The following TNRC6A variants were observed in gnomAD, a reference collection of about 807,000 sequenced individuals.
The protein encoded by TNRC6A is trinucleotide repeat containing adaptor 6A, also known as trinucleotide repeat-containing gene 6A protein.
Under a neutral mutation model 221.2 loss-of-function variants are expected in TNRC6A, and 44 were observed. That is an observed-to-expected ratio of 0.20 (90% CI 0.16 to 0.26). TNRC6A has a LOEUF of 0.26. Among genes scored for constraint, TNRC6A ranks in the 10% least tolerant of loss-of-function variants. The probability of loss-of-function intolerance (pLI) is 1.00; values close to 1 mark genes in which losing one functional copy is unlikely to be tolerated. For synonymous variants in TNRC6A, 847 were observed against 838.5 expected (o/e 1.01, Z -0.18); for missense variants, 2,199 against 2,404.4 (o/e 0.91, Z 1.79).
intron 2 of TNRC6A, among the ~76,000 whole-genome samples, chr16:24,652,853 G>A (rs149904580): frequency 9.2e-5 from 14 of 152,252 alleles, no homozygotes; most frequent in Non-Finnish European, 1.9e-4. Flanking sequence ...TGGATTGATC[G>A]TTTAATCCTT....
Position 24,664,102 on chromosome 16 carries a change from CG to C in TNRC6A, n.402+23096del, listed in dbSNP as rs965941537. ...GCACTTTGGGAGGTGGAAGCAGAGG[CG>C]GGTGGATCACCTGAGATCAGGAGTT... On this transcript the variant is annotated intron_variant and non_coding_transcript_variant, in intron 2 of 2. Coordinates refer to the TNRC6A transcript ENST00000566108. 1.0e-3 allele frequency: 349 copies of C among 342,808 alleles called. 6 individuals are homozygous for C. The highest frequency in any genetic ancestry group is 3.5e-4 in the Non-Finnish European group (60 of 169,586). The allele number at this position is 342,808 out of a possible 1,614,324, so 21.2% of individuals were successfully genotyped here. A position where few individuals can be genotyped will look rare whatever the true frequency, so the allele number is the denominator to read the frequency against.
chr16:24,771,276 A>G (rs2057585251), intron 4 of TNRC6A, among the ~76,000 whole-genome samples: 1 of 152,182 alleles, frequency 6.6e-6, no homozygotes, highest in African/African-American at 2.4e-5. Flanking sequence ...TCAGTGTTTC[A>G]GAGTATAAAG....
chr16:24,664,769 T>TCACACACACA (rs149786252), intron 2 of TNRC6A: 290 of 301,630 alleles, frequency 9.6e-4, no homozygotes, highest in African/African-American at 1.2e-3. Context: ...AATCCCCAAA[T>TCACACACACA]CACACACACA....
chr16:24,784,376 T>C (rs1215531425), intron 5 of TNRC6A, among the ~76,000 whole-genome samples: 1 of 152,178 alleles, frequency 6.6e-6, no homozygotes, highest in Non-Finnish European at 1.5e-5. Flanking sequence ...CTAGGCTGAG[T>C]GCAGTGGTGC....
At position 24,806,719 on chromosome 16, in the gene TNRC6A, C is replaced by T. The variant is rs768865555; in HGVS notation, c.4475C>T (p.Pro1492Leu). ...AAGTCTTTCCTTGACAATGTCATGC[C>T]CCACACTACACCTGAGCTGCAAAAA... ...AMKSFLDNVM[P>L]HTTPELQKGP... The change falls in exon 17 of 25, where the codon CCC becomes CTC. Residue 1492 changes from proline to leucine, a missense_variant. Pro to Leu is a moderately conservative substitution (Grantham distance 98). Transcript: ENST00000395799. 2 of 1,614,160 alleles carry T rather than the reference C, an allele frequency of 1.2e-6. No homozygotes were observed. The highest frequency in any genetic ancestry group is 3.3e-5 in the Admixed American group (2 of 60,016).
chr16:24,675,830 C>A (rs1029296272), intron 2 of TNRC6A, among the ~76,000 whole-genome samples: 1 of 149,594 alleles, frequency 6.7e-6, no homozygotes, highest in African/African-American at 2.5e-5. Context: ...GGAATTCATA[C>A]CACCTCTTCC....
At chr16:24,819,302 G>C (rs1208541290) in intron 21 of TNRC6A, among the ~76,000 whole-genome samples, 1 of 152,150 alleles carries the variant, frequency 6.6e-6, no homozygotes, top group Non-Finnish European at 1.5e-5. Context: ...TCCACTCCTT[G>C]CTGTCCCCTC....
In TNRC6A at chr16:24,815,241, A is replaced by G; in HGVS notation, c.4767A>G (p.Ser1589=). ...SSTSPASPPG[S]IGDGWPRAKS... is the part of the protein sequence containing the mutation. Reference sequence around the variant, plus strand: ...CTTCACCAGCCAGTCCTCCAGGTTCAATAGGAGATGGCTGGCCACGTGCCA... The same window carrying G: ...CTTCACCAGCCAGTCCTCCAGGTTCGATAGGAGATGGCTGGCCACGTGCCA... The change falls in exon 19 of 25, where the codon TCA becomes TCG. Residue 1589 remains serine, a synonymous_variant. Coordinates refer to ENST00000395799, the MANE Select transcript of TNRC6A (RefSeq NM_014494.4). The G allele has an allele frequency of 6.2e-7, 1 of 1,614,230 alleles. No individual in the cohort carries two copies. Among genetic ancestry groups the G allele is most frequent in the Non-Finnish European group, 8.5e-7 (1 of 1,180,032 alleles).
At chr16:24,664,755 C>A in intron 2 of TNRC6A, 4 of 335,820 alleles carry the variant, frequency 1.2e-5, no homozygotes, top group Non-Finnish European at 2.4e-5. Context: ...GGGTGCCTTG[C>A]AGTAATCCCC....
intron 23 of TNRC6A, among the ~76,000 whole-genome samples, chr16:24,822,390 A>G (rs2152117240): frequency 6.6e-6 from 1 of 152,274 alleles, no homozygotes; most frequent in African/African-American, 2.4e-5. Flanking sequence ...GAGTCAGTAG[A>G]TCTGGGCTAG....
At chr16:24,757,114 G>A (rs886827715) in intron 3 of TNRC6A, among the ~76,000 whole-genome samples, 1 of 152,056 alleles carries the variant, frequency 6.6e-6, no homozygotes, top group Non-Finnish European at 1.5e-5. Context: ...TGGTTGTTTG[G>A]CATTGTCTTT....
At chr16:24,776,420 A>G in intron 4 of TNRC6A, 1 of 985,462 alleles carries the variant, frequency 1.0e-6, no homozygotes, top group Non-Finnish European at 1.2e-6. Context: ...TTGTTAACTT[A>G]GCCTTTTTGT....
At chr16:24,648,478 G>A (rs1201560457) in intron 2 of TNRC6A, among the ~76,000 whole-genome samples, 2 of 151,798 alleles carry the variant, frequency 1.3e-5, no homozygotes, top group Non-Finnish European at 2.9e-5. Context: ...CACCGTGTTA[G>A]CCAGGATGGT....
rs1179332251 is a variant in TNRC6A at position 24,729,693 on chromosome 16, G to T, written c.-149G>T. The T allele has an allele frequency of 7.0e-4, 592 of 843,242 alleles. 5 individuals carry two copies. Among genetic ancestry groups the T allele is most frequent in the Non-Finnish European group, 7.8e-4 (491 of 628,154 alleles). 52.2% of individuals were successfully genotyped at this position (843,242 alleles called of 1,614,324 possible). A position where few individuals can be genotyped will look rare whatever the true frequency, so the allele number is the denominator to read the frequency against. On this transcript the variant is annotated 5_prime_UTR_variant, in exon 1 of 25. Coordinates refer to ENST00000395799, the MANE Select transcript of TNRC6A (RefSeq NM_014494.4). The stretch of plus-strand genomic sequence containing the variant: ...TGCGGCGGCGGCGGTGTCGGCGGCG[G>T]CGGCGGCGGCGGCGGCGGCGGCGGC...
chr16:24,797,789 T>G, intron 10 of TNRC6A, 126 bp from the exon 11 acceptor site: 5 of 918,810 alleles, frequency 5.4e-6, no homozygotes, highest in Non-Finnish European at 8.0e-6. Flanking sequence ...CATTAGGCAG[T>G]GAAAAATGAA....
intron 2 of TNRC6A, among the ~76,000 whole-genome samples, chr16:24,675,106 G>A (rs754047859): frequency 6.6e-6 from 1 of 151,858 alleles, no homozygotes; most frequent in African/African-American, 2.4e-5. Context: ...TGATGACACC[G>A]CTGCACTCCA....
chr16:24,648,364 C>T (rs1902409059), intron 2 of TNRC6A, among the ~76,000 whole-genome samples: 1 of 148,114 alleles, frequency 6.8e-6, no homozygotes, highest in Non-Finnish European at 1.5e-5. Flanking sequence ...CTCCAACCCC[C>T]AGTTCAAGCG....
intron 2 of TNRC6A, chr16:24,671,027 C>T (rs756980199): frequency 4.4e-5 from 17 of 385,470 alleles, no homozygotes; most frequent in South Asian, 2.9e-4. Flanking sequence ...TCCTCGCCAG[C>T]CAATCTCCTT....
chr16:24,613,075 C>T (rs1371959995), intron 1 of TNRC6A, among the ~76,000 whole-genome samples: 1 of 139,778 alleles, frequency 7.2e-6, no homozygotes, highest in Admixed American at 7.6e-5. Context: ...GAGATCGCAC[C>T]ATTGCGCTCT....
Sources: gnomAD v4.1 joint callset for allele counts (sites outside exome capture counted in the v4.1 genomes callset) on GRCh38, gnomAD v4.1.1 for gene constraint, MANE v1.5 for transcripts, NCBI Gene and HGNC (gene_info 2026-07-23, HGNC 2026-07-21) for gene names.